The following CEP112 variants were observed in gnomAD, a reference collection of about 807,000 sequenced individuals.
The protein encoded by CEP112 is centrosomal protein 112, also known as centrosomal protein of 112 kDa.
Under a neutral mutation model 153.0 loss-of-function variants are expected in CEP112, and 127 were observed. The ratio of observed to expected loss-of-function variants is 0.83; its 90% CI spans 0.72 to 0.96. CEP112 has a LOEUF of 0.96. Among genes scored for constraint, CEP112 ranks in the 40% least tolerant of loss-of-function variants. The pLI is 0.00. For missense variants in CEP112, 1,089 were observed against 1,101.2 expected, an observed-to-expected ratio of 0.99 and a Z score of 0.16; for synonymous variants, 358 against 374.4, an observed-to-expected ratio of 0.96 and a Z score of 0.51.
chr17:65,774,781 C>T (rs900632170), intron 21 of CEP112, among the ~76,000 whole-genome samples: 1 of 152,142 alleles, frequency 6.6e-6, no homozygotes, highest in Non-Finnish European at 1.5e-5. Context: ...GTTTCTGCTG[C>T]ACAGCCAAAT....
At chr17:65,953,708 T>G (rs1431925983) in intron 18 of CEP112, among the ~76,000 whole-genome samples, 1 of 152,036 alleles carries the variant, frequency 6.6e-6, no homozygotes, top group African/African-American at 2.4e-5. Context: ...CCTGGTGACC[T>G]GTATGGCTCA....
At chr17:66,091,443 C>G (rs2068126658) in intron 8 of CEP112, among the ~76,000 whole-genome samples, 2 of 151,976 alleles carry the variant, frequency 1.3e-5, no homozygotes, top group South Asian at 4.1e-4. Context: ...TGAACAGCTA[C>G]TATGTCAAAG....
At chr17:65,780,650 T>G (rs2053945566) in intron 21 of CEP112, among the ~76,000 whole-genome samples, 1 of 152,132 alleles carries the variant, frequency 6.6e-6, no homozygotes, top group Non-Finnish European at 1.5e-5. Flanking sequence ...GACTACTGTA[T>G]TTAACAAATT....
At position 65,859,852 on chromosome 17, in the gene CEP112, CAA is replaced by C. The variant is rs573790538; in HGVS notation, c.2164-7820_2164-7819del. ...CGAAACCCTGTCTCTACTAAAAATACAAAAAAAAAAAAAAAAAAATTAGCTGG... is the reference window on the plus strand; with the variant it reads ...CGAAACCCTGTCTCTACTAAAAATACAAAAAAAAAAAAAAAAATTAGCTGG... On this transcript the variant is annotated intron_variant, in intron 20 of 26. Transcript: ENST00000535342. 6.5e-3 allele frequency among the ~76,000 whole-genome samples: 651 copies of C among 100,326 alleles called. 2 individuals are homozygous for C. The highest frequency in any genetic ancestry group is 0.012 in the South Asian group (35 of 2,946). 65.8% of individuals were successfully genotyped at this position (100,326 alleles called of 152,430 possible). A position where few individuals can be genotyped will look rare whatever the true frequency, so the allele number is the denominator to read the frequency against.
intron 21 of CEP112, among the ~76,000 whole-genome samples, chr17:65,787,037 G>C (rs950127504): frequency 2.6e-5 from 4 of 152,100 alleles, no homozygotes; most frequent in Non-Finnish European, 5.9e-5. Context: ...GGCTTTATGT[G>C]CTCTCTATTC....
intron 20 of CEP112, among the ~76,000 whole-genome samples, chr17:65,871,844 A>G (rs542973613): frequency 2.6e-5 from 4 of 152,326 alleles, no homozygotes; most frequent in South Asian, 4.1e-4. Flanking sequence ...TTATGTTTAT[A>G]GTGTCAGTAG....
At chr17:66,047,760 C>T (rs2066274108) in intron 12 of CEP112, among the ~76,000 whole-genome samples, 1 of 152,152 alleles carries the variant, frequency 6.6e-6, no homozygotes, top group African/African-American at 2.4e-5. Flanking sequence ...CTTTATACAA[C>T]AAAAGTTTGA....
chr17:65,685,186 G>A (rs1347550385), intron 24 of CEP112, among the ~76,000 whole-genome samples: 1 of 152,162 alleles, frequency 6.6e-6, no homozygotes, highest in Non-Finnish European at 1.5e-5. Flanking sequence ...TGGCACCAAG[G>A]CATGTGGTGG....
chr17:65,719,405 T>G (rs577216614), intron 23 of CEP112, among the ~76,000 whole-genome samples: 1 of 152,180 alleles, frequency 6.6e-6, no homozygotes, highest in African/African-American at 2.4e-5. Flanking sequence ...TGAAACCCCA[T>G]CTCTATTAAA....
chr17:65,867,959 T>C (rs917450512), intron 20 of CEP112, among the ~76,000 whole-genome samples: 1 of 151,874 alleles, frequency 6.6e-6, no homozygotes, highest in Non-Finnish European at 1.5e-5. Flanking sequence ...CCCTGATGAC[T>C]AGGTTTGAGA....
At chr17:65,946,078 A>ATT (rs745336279) in intron 18 of CEP112, among the ~76,000 whole-genome samples, 2 of 152,200 alleles carry the variant, frequency 1.3e-5, no homozygotes, top group Non-Finnish European at 2.9e-5. Flanking sequence ...TATTCTGGAT[A>ATT]TGAGTCTTTT....
intron 22 of CEP112, among the ~76,000 whole-genome samples, chr17:65,747,697 G>A (rs1301263786): frequency 3.3e-5 from 5 of 152,096 alleles, no homozygotes; most frequent in South Asian, 2.1e-4. Context: ...ATTTGGGGGC[G>A]TGCCCAGAGA....
At chr17:66,127,128 T>C (rs1324714506) in intron 6 of CEP112, among the ~76,000 whole-genome samples, 1 of 152,188 alleles carries the variant, frequency 6.6e-6, no homozygotes, top group African/African-American at 2.4e-5. Context: ...AACAAAACCC[T>C]AGACAGACCT....
intron 21 of CEP112, among the ~76,000 whole-genome samples, chr17:65,844,501 A>G (rs1418149416): frequency 6.6e-6 from 1 of 151,906 alleles, no homozygotes; most frequent in African/African-American, 2.4e-5. Context: ...CCTGGTCAAC[A>G]TGGTGAAACC....
intron 18 of CEP112, among the ~76,000 whole-genome samples, chr17:65,951,498 T>C (rs2144634375): frequency 6.6e-6 from 1 of 152,246 alleles, no homozygotes; most frequent in South Asian, 2.1e-4. Flanking sequence ...GTTGTACAAA[T>C]TGTTGGTATA....
intron 20 of CEP112, among the ~76,000 whole-genome samples, chr17:65,900,400 C>T (rs959728642): frequency 3.3e-5 from 5 of 152,042 alleles, no homozygotes; most frequent in African/African-American, 1.2e-4. Flanking sequence ...GGAAGAAATT[C>T]AATTAATAGC....
intron 21 of CEP112, among the ~76,000 whole-genome samples, chr17:65,827,354 G>A (rs181085437): frequency 6.6e-6 from 1 of 152,166 alleles, no homozygotes; most frequent in African/African-American, 2.4e-5. Context: ...ACTAACACAC[G>A]AAGCTTATCT....
At chr17:65,978,420 A>G (rs8079531) in intron 17 of CEP112, among the ~76,000 whole-genome samples, 151,783 of 152,374 alleles carry the variant, frequency 1, 75,598 homozygotes, top group Middle Eastern at 1. Flanking sequence ...TGTGCCCCGG[A>G]GCAAGGCCCA....
intron 17 of CEP112, among the ~76,000 whole-genome samples, chr17:65,962,299 TAGAA>T (rs2062234222): frequency 6.6e-6 from 1 of 152,048 alleles, no homozygotes; most frequent in African/African-American, 2.4e-5. Context: ...AATGTACAAA[TAGAA>T]AGATGTATGT....
Sources: allele counts gnomAD v4.1 joint callset (sites outside exome capture counted in the v4.1 genomes callset), GRCh38; gene constraint gnomAD v4.1.1; transcripts MANE v1.5; gene names NCBI Gene and HGNC (gene_info 2026-07-23, HGNC 2026-07-21).